Variants in TSPAN13 observed in about 807,000 individuals in gnomAD.
TSPAN13 encodes the protein tetraspanin-13.
A neutral mutation model predicts 26.9 loss-of-function variants in TSPAN13; 18 were observed. That is an observed-to-expected ratio of 0.67 (90% CI 0.46 to 0.99). The LOEUF is 0.99. Among genes scored for constraint, TSPAN13 ranks in the 50% least tolerant of loss-of-function variants. The pLI, the probability that TSPAN13 is intolerant of heterozygous loss-of-function variation, is 0.00. For synonymous variants in TSPAN13, 116 were observed against 98.4 expected (o/e 1.18, Z -1.06); for missense variants, 201 against 249.6 (o/e 0.81, Z 1.31).
intron 1 of TSPAN13, among the ~76,000 whole-genome samples, chr7:16,773,928 G>A (rs1254390745): frequency 1.3e-5 from 2 of 152,178 alleles, no homozygotes; most frequent in African/African-American, 4.8e-5. Context: ...CAAATGTGAT[G>A]GTTGATTTTA....
At chr7:16,780,484 A>G (rs757226082) in intron 5 of TSPAN13, among the ~76,000 whole-genome samples, 1 of 152,196 alleles carries the variant, frequency 6.6e-6, no homozygotes, top group Non-Finnish European at 1.5e-5. Flanking sequence ...GAAAAGAGCT[A>G]TCTGACTTGT....
At chr7:16,772,587 C>T (rs1342852577) in intron 1 of TSPAN13, among the ~76,000 whole-genome samples, 3 of 152,170 alleles carry the variant, frequency 2.0e-5, no homozygotes, top group Admixed American at 1.3e-4. Context: ...TCTAATTTCC[C>T]TGTGCCTCTC....
At chr7:16,768,322 A>G (rs1486716609) in intron 1 of TSPAN13, among the ~76,000 whole-genome samples, 1 of 152,182 alleles carries the variant, frequency 6.6e-6, no homozygotes, top group Non-Finnish European at 1.5e-5. Flanking sequence ...TAAATTTGTA[A>G]CAGGTTGGAT....
At chr7:16,760,131 C>A (rs1398464003) in intron 1 of TSPAN13, among the ~76,000 whole-genome samples, 1 of 152,096 alleles carries the variant, frequency 6.6e-6, no homozygotes, top group Non-Finnish European at 1.5e-5. Flanking sequence ...AGCTTTTATA[C>A]CAAGTGAAAT....
At chr7:16,754,052 C>A (rs79436477) in intron 1 of TSPAN13, 22 bp downstream of exon 1, 1 of 1,610,656 alleles carries the variant, frequency 6.2e-7, no homozygotes, top group Non-Finnish European at 8.5e-7. Flanking sequence ...CAGTCCGTTC[C>A]TGCTCGCTTG....
intron 1 of TSPAN13, among the ~76,000 whole-genome samples, chr7:16,754,352 C>T (rs1784457954): frequency 6.6e-6 from 1 of 152,258 alleles, no homozygotes; most frequent in African/African-American, 2.4e-5. Context: ...CGCTTTCCCA[C>T]CCCGTACCCT....
intron 1 of TSPAN13, among the ~76,000 whole-genome samples, chr7:16,759,891 T>C (rs1421914638): frequency 1.3e-5 from 2 of 152,022 alleles, no homozygotes; most frequent in African/African-American, 4.8e-5. Flanking sequence ...GGGTCTGTGT[T>C]GTCTGGGCTA....
intron 1 of TSPAN13, among the ~76,000 whole-genome samples, chr7:16,764,704 A>G (rs894907615): frequency 2.0e-5 from 3 of 152,288 alleles, no homozygotes; most frequent in African/African-American, 2.4e-5. Context: ...TGATATGCCT[A>G]TAAAGCAAGA....
chr7:16,770,964 G>C (rs1430450977), intron 1 of TSPAN13, among the ~76,000 whole-genome samples: 6 of 152,198 alleles, frequency 3.9e-5, no homozygotes, highest in Non-Finnish European at 7.3e-5. Flanking sequence ...TTTCTGGATA[G>C]GTTGTTGTGG....
intron 5 of TSPAN13, among the ~76,000 whole-genome samples, chr7:16,780,644 C>T (rs1214968469): frequency 6.6e-6 from 1 of 152,170 alleles, no homozygotes; most frequent in Non-Finnish European, 1.5e-5. Flanking sequence ...TTTCTCTCTA[C>T]ACATCAGCTA....
chr7:16,776,405 A>G, intron 2 of TSPAN13, 27 bp downstream of exon 2: 3 of 1,594,010 alleles, frequency 1.9e-6, no homozygotes, highest in Non-Finnish European at 1.7e-6. Context: ...TCAAGATTTT[A>G]CTCTTGATGA....
At chr7:16,769,580 A>T (rs1336897025) in intron 1 of TSPAN13, among the ~76,000 whole-genome samples, 1 of 152,138 alleles carries the variant, frequency 6.6e-6, no homozygotes, top group Non-Finnish European at 1.5e-5. Flanking sequence ...ATGTGAAAAA[A>T]ATTTTTTTTG....
chr7:16,781,488 A>G (rs941977839), intron 5 of TSPAN13, among the ~76,000 whole-genome samples: 3 of 152,186 alleles, frequency 2.0e-5, no homozygotes, highest in Admixed American at 6.5e-5. Flanking sequence ...TTGAAGTTCA[A>G]TAATTATCCA....
Position 16,777,901 on chromosome 7 carries a change from C to A in TSPAN13, c.416C>A (p.Thr139Asn). ...CGFRSVNPND[T>N]CLASCVKSDH... ...TTCCGAAGTGTTAACCCAAATGACA[C>A]CTGTCTGGCTGTAAGTACATTGTAT... Residue 139 changes from threonine to asparagine, a missense_variant, in exon 4 of 6, where the codon ACC becomes AAC. Physicochemically the swap from Thr to Asn is moderately conservative, Grantham distance 65. Coordinates refer to ENST00000262067, the MANE Select transcript of TSPAN13 (RefSeq NM_014399.4). 3 of 1,611,456 alleles carry A rather than the reference C, an allele frequency of 1.9e-6. No individual in the cohort carries two copies. In the South Asian group the frequency reaches 3.3e-5, roughly 18 times the overall value.
intron 2 of TSPAN13, 150 bp from the exon 3 acceptor site, chr7:16,776,892 T>C (rs1454648831): frequency 4.3e-6 from 2 of 469,712 alleles, no homozygotes; most frequent in East Asian, 6.2e-5. Context: ...TAATAATATG[T>C]GTATCCTTTT....
At chr7:16,767,221 T>A (rs1784614233) in intron 1 of TSPAN13, among the ~76,000 whole-genome samples, 1 of 152,214 alleles carries the variant, frequency 6.6e-6, no homozygotes, top group Admixed American at 6.5e-5. Flanking sequence ...TCAAGATCTG[T>A]CACTTCCATG....
At chr7:16,783,175 G>A (rs1784832197) in intron 5 of TSPAN13, among the ~76,000 whole-genome samples, 1 of 152,110 alleles carries the variant, frequency 6.6e-6, no homozygotes, top group Admixed American at 6.6e-5. Flanking sequence ...GCAGGTCGTA[G>A]GGGTTAGGAC....
At chr7:16,760,425 C>T (rs1220702753) in intron 1 of TSPAN13, among the ~76,000 whole-genome samples, 1 of 152,124 alleles carries the variant, frequency 6.6e-6, no homozygotes, top group East Asian at 1.9e-4. Flanking sequence ...GTGGCTCAGG[C>T]TCAAGGAATT....
At chr7:16,755,344 C>T (rs1030612891) in intron 1 of TSPAN13, among the ~76,000 whole-genome samples, 2 of 152,082 alleles carry the variant, frequency 1.3e-5, no homozygotes, top group African/African-American at 4.8e-5. Flanking sequence ...GCATTGAGTA[C>T]GCTTTTATGG....
Sources: allele counts gnomAD v4.1 joint callset (sites outside exome capture counted in the v4.1 genomes callset), GRCh38; gene constraint gnomAD v4.1.1; transcripts MANE v1.5; gene names NCBI Gene and HGNC (gene_info 2026-07-23, HGNC 2026-07-21).